CPED1: variants seen among roughly 807,000 people sequenced by gnomAD.
The protein encoded by CPED1 is cadherin-like and PC-esterase domain-containing protein 1.
In CPED1, 114 loss-of-function variants were observed where a neutral mutation model predicts 128.2. The observed-to-expected ratio is 0.89, with a 90% confidence interval of 0.76 to 1.04. The LOEUF (loss-of-function observed/expected upper bound fraction) is 1.04. Ranked by LOEUF, CPED1 falls within the 50% of genes least tolerant of loss-of-function variation. The pLI, the probability that CPED1 is intolerant of heterozygous loss-of-function variation, is 0.00. For missense variants in CPED1, 1,211 were observed against 1,207.1 expected, an observed-to-expected ratio of 1.00 and a Z score of -0.05; for synonymous variants, 462 against 426.7, an observed-to-expected ratio of 1.08 and a Z score of -1.02.
rs745602224 is a variant in CPED1 at position 121,271,348 on chromosome 7, A to G, written c.2786A>G (p.Tyr929Cys). The G allele has an allele frequency of 1.2e-6, 2 of 1,612,494 alleles. No homozygotes were observed. Among genetic ancestry groups the G allele is most frequent in the South Asian group, 1.1e-5 (1 of 91,016 alleles). The change falls in exon 22 of 23, where the codon TAT becomes TGT. Residue 929 changes from tyrosine to cysteine, a missense_variant. Physicochemically the swap from Tyr to Cys is radical, Grantham distance 194. Coordinates refer to ENST00000310396, the MANE Select transcript of CPED1 (RefSeq NM_024913.5). Reference protein sequence around the residue: ...IILDTAKKHGYEVVDTFTITM... With the variant: ...IILDTAKKHGCEVVDTFTITM... ...CTGGATACTGCAAAAAAACATGGCT[A>G]TGAAGTAGTTGACACATTCACTATA...
At chr7:120,998,757 A>G (rs1796452408) in intron 2 of CPED1, among the ~76,000 whole-genome samples, 1 of 151,808 alleles carries the variant, frequency 6.6e-6, no homozygotes, top group Non-Finnish European at 1.5e-5. Context: ...GGAGGCTGAT[A>G]TATCACTCAA....
chr7:121,124,428 AAGTAT>A lies in CPED1; in HGVS notation c.1017_1021del (p.Glu339AspfsTer3), dbSNP rs1795454698. 6.2e-7 allele frequency: 1 copy of A among 1,602,882 alleles called. No homozygotes were observed. Among genetic ancestry groups the A allele is most frequent in the Non-Finnish European group, 8.5e-7 (1 of 1,173,494 alleles). ...ATTGGCAAACTACTGCTAGCGGCTG[AAGTAT>A]TCAGTGAAACATCTACTCTGGGACC... On this transcript the variant is annotated frameshift_variant, in exon 8 of 23. Transcript: ENST00000310396. LOFTEE classifies it high-confidence loss of function.
chr7:121,272,439 G>A (rs1792252217), intron 22 of CPED1, among the ~76,000 whole-genome samples: 1 of 151,782 alleles, frequency 6.6e-6, no homozygotes, highest in Admixed American at 6.6e-5. Context: ...CCCCACCAGT[G>A]GAACTTTATG....
chr7:121,064,246 A>G lies in CPED1; in HGVS notation c.549A>G (p.Arg183=). The change falls in exon 5 of 23, where the codon AGA becomes AGG. Residue 183 remains arginine (R), a synonymous_variant. Coordinates refer to ENST00000310396, the MANE Select transcript of CPED1 (RefSeq NM_024913.5). ...CQLGLHQKAN[R]LPEIQQPLCR... Reference sequence around the variant, plus strand: ...TTTTTCATTCCTTTCAGGCAAACAGATTACCAGAAATACAGCAGCCACTTT... The same window carrying G: ...TTTTTCATTCCTTTCAGGCAAACAGGTTACCAGAAATACAGCAGCCACTTT... 1 of 1,606,656 alleles carries G rather than the reference A, an allele frequency of 6.2e-7. No homozygotes were observed. The highest frequency in any genetic ancestry group is 8.5e-7 in the Non-Finnish European group (1 of 1,173,190).
At chr7:121,112,288 A>T (rs1795131113) in intron 7 of CPED1, among the ~76,000 whole-genome samples, 1 of 152,228 alleles carries the variant, frequency 6.6e-6, no homozygotes, top group Admixed American at 6.5e-5. Flanking sequence ...GTGTAATTAA[A>T]TTAAAGATAT....
intron 22 of CPED1, among the ~76,000 whole-genome samples, chr7:121,276,358 A>G (rs1254798287): frequency 6.6e-6 from 1 of 152,096 alleles, no homozygotes; most frequent in African/African-American, 2.4e-5. Flanking sequence ...TACAAGCTAT[A>G]TATTTTCCAC....
intron 2 of CPED1, among the ~76,000 whole-genome samples, chr7:121,006,205 G>T (rs575154756): frequency 3.9e-5 from 6 of 152,140 alleles, no homozygotes; most frequent in Non-Finnish European, 7.4e-5. Flanking sequence ...TCAGGGGACA[G>T]AGACTTGCTA....
chr7:121,129,876 G>A (rs902929233), intron 11 of CPED1, among the ~76,000 whole-genome samples: 5 of 140,774 alleles, frequency 3.6e-5, no homozygotes, highest in Admixed American at 7.0e-5. Context: ...AGAGAAATCC[G>A]CTTATATTCA....
At chr7:121,178,469 G>A (rs1198183750) in intron 16 of CPED1, among the ~76,000 whole-genome samples, 1 of 151,940 alleles carries the variant, frequency 6.6e-6, no homozygotes, top group Non-Finnish European at 1.5e-5. Flanking sequence ...AGGGAATGGG[G>A]GACAGCTTGA....
chr7:121,107,807 C>A (rs766982956), intron 7 of CPED1, among the ~76,000 whole-genome samples: 2 of 151,948 alleles, frequency 1.3e-5, no homozygotes, highest in African/African-American at 2.4e-5. Context: ...TAACAATATC[C>A]TTTATTCCTT....
chr7:121,180,918 G>A (rs1796885748), intron 16 of CPED1, among the ~76,000 whole-genome samples: 1 of 152,022 alleles, frequency 6.6e-6, no homozygotes, highest in Admixed American at 6.6e-5. Flanking sequence ...GATCGGATCA[G>A]GGTGGTCAGC....
chr7:121,079,393 C>T (rs1484789815), intron 5 of CPED1, among the ~76,000 whole-genome samples: 3 of 152,194 alleles, frequency 2.0e-5, no homozygotes, highest in Non-Finnish European at 4.4e-5. Context: ...AGATGTAGTC[C>T]TTTCAAAATC....
At chr7:121,041,216 T>C (rs1793043926) in intron 3 of CPED1, among the ~76,000 whole-genome samples, 1 of 152,266 alleles carries the variant, frequency 6.6e-6, no homozygotes, top group South Asian at 2.1e-4. Flanking sequence ...CATGCAGTTA[T>C]TCACTGATTC....
intron 5 of CPED1, among the ~76,000 whole-genome samples, chr7:121,090,976 T>C (rs758100671): frequency 2.6e-5 from 4 of 151,792 alleles, no homozygotes; most frequent in Non-Finnish European, 5.9e-5. Flanking sequence ...AAAAAAAGCA[T>C]AGAATTGTTC....
chr7:121,171,015 AC>A (rs780447734), intron 16 of CPED1, among the ~76,000 whole-genome samples: 5 of 151,988 alleles, frequency 3.3e-5, no homozygotes, highest in Non-Finnish European at 5.9e-5. Context: ...GAGCCACTGC[AC>A]TCCAGCCTAA....
intron 16 of CPED1, among the ~76,000 whole-genome samples, chr7:121,142,659 T>C (rs1280968771): frequency 2.0e-5 from 3 of 152,034 alleles, no homozygotes; most frequent in South Asian, 4.1e-4. Context: ...GTTTCTCTTG[T>C]GAGCAACACA....
intron 3 of CPED1, among the ~76,000 whole-genome samples, chr7:121,016,841 G>A (rs1180209567): frequency 2.0e-5 from 3 of 152,174 alleles, no homozygotes; most frequent in South Asian, 2.1e-4. Context: ...AAGGGGAGGA[G>A]GAGAAGCAAT....
intron 16 of CPED1, among the ~76,000 whole-genome samples, chr7:121,155,591 A>C (rs1464298908): frequency 1.3e-5 from 2 of 152,240 alleles, no homozygotes; most frequent in Non-Finnish European, 2.9e-5. Context: ...TTAAGATGCC[A>C]CAAACATATA....
intron 16 of CPED1, among the ~76,000 whole-genome samples, chr7:121,195,313 TTGC>T (rs1797247143): frequency 6.6e-6 from 1 of 152,148 alleles, no homozygotes; most frequent in Non-Finnish European, 1.5e-5. Flanking sequence ...TAAAATATTT[TTGC>T]TTTATTCTTT....
Sources: gnomAD v4.1 joint callset for allele counts (sites outside exome capture counted in the v4.1 genomes callset) on GRCh38, gnomAD v4.1.1 for gene constraint, MANE v1.5 for transcripts, NCBI Gene and HGNC (gene_info 2026-07-23, HGNC 2026-07-21) for gene names.